ZFHX3: variants seen among roughly 807,000 people sequenced by gnomAD.
The protein encoded by ZFHX3 is zinc finger homeobox 3.
In ZFHX3, 42 loss-of-function variants were observed where a neutral mutation model predicts 279.1. The ratio of observed to expected loss-of-function variants is 0.15; its 90% CI spans 0.12 to 0.19. The LOEUF (loss-of-function observed/expected upper bound fraction) is 0.19, where lower values mean the gene tolerates loss of function less well. Among genes scored for constraint, ZFHX3 ranks in the 10% least tolerant of loss-of-function variants. The pLI is 1.00. For missense variants in ZFHX3, 4,981 were observed against 4,754.0 expected, an observed-to-expected ratio of 1.05 and a Z score of -1.40; for synonymous variants, 2,293 against 1,957.8, an observed-to-expected ratio of 1.17 and a Z score of -4.52.
chr16:73,009,036 C>G (rs80050301), intron 1 of ZFHX3, among the ~76,000 whole-genome samples: 1 of 151,946 alleles, frequency 6.6e-6, no homozygotes, highest in African/African-American at 2.4e-5. Flanking sequence ...AGTACAGTAG[C>G]CAGTTCCCTG....
intron 4 of ZFHX3, among the ~76,000 whole-genome samples, chr16:72,835,988 G>C (rs533479763): frequency 1.3e-5 from 2 of 152,256 alleles, no homozygotes; most frequent in African/African-American, 4.8e-5. Context: ...GACTACTAAG[G>C]CCTAGACCAC....
At chr16:73,423,968 A>G (rs1402539671) in intron 3 of ZFHX3, among the ~76,000 whole-genome samples, 4 of 152,060 alleles carry the variant, frequency 2.6e-5, no homozygotes, top group Non-Finnish European at 5.9e-5. Context: ...CAATATTACC[A>G]TTCAAAGGGG....
intron 3 of ZFHX3, among the ~76,000 whole-genome samples, chr16:73,448,147 C>T (rs749015330): frequency 3.4e-4 from 51 of 151,980 alleles, no homozygotes; most frequent in Middle Eastern, 3.4e-3. Context: ...TCCAGGGTAA[C>T]GAATCTAGTA....
chr16:72,967,688 G>A (rs923138322), intron 1 of ZFHX3, among the ~76,000 whole-genome samples: 3 of 151,478 alleles, frequency 2.0e-5, no homozygotes, highest in Admixed American at 6.6e-5. Flanking sequence ...AGGCCGAGGC[G>A]GGCAGATCAC....
At chr16:73,693,967 A>G (rs2053172108) in intron 1 of ZFHX3, among the ~76,000 whole-genome samples, 1 of 152,086 alleles carries the variant, frequency 6.6e-6, no homozygotes, top group South Asian at 2.1e-4. Context: ...AATTCTGGAC[A>G]AAGTTGTCTC....
intron 3 of ZFHX3, among the ~76,000 whole-genome samples, chr16:72,900,546 T>C (rs1257732345): frequency 6.6e-6 from 1 of 152,214 alleles, no homozygotes; most frequent in African/African-American, 2.4e-5. Context: ...GAGACAGTGA[T>C]GGTCTTTCTA....
intron 8 of ZFHX3, among the ~76,000 whole-genome samples, chr16:73,067,203 A>G (rs1032287720): frequency 6.6e-6 from 1 of 152,134 alleles, no homozygotes; most frequent in African/African-American, 2.4e-5. Flanking sequence ...CTGGGAAGAA[A>G]AAAGAAAGCG....
At position 72,788,282 on chromosome 16, in the gene ZFHX3, G is replaced by A. The variant is rs1298541526; in HGVS notation, c.9994C>T (p.Leu3332=). ...CCTTCCATGCCATACATAGGCTGCA[G>A]GTACCCGCTCTGCAGGGCGCCAGGG... ...QIPGALQSGY[L]QPMYGMEGLF... is the part of the protein sequence containing the mutation. Residue 3332 remains leucine, a synonymous_variant, in exon 10 of 10, where the codon CTG becomes TTG. Coordinates refer to ENST00000268489, the MANE Select transcript of ZFHX3 (RefSeq NM_006885.4). 1 of 1,614,090 alleles carries A rather than the reference G, an allele frequency of 6.2e-7. No homozygotes were observed. The highest frequency in any genetic ancestry group is 1.3e-5 in the African/African-American group (1 of 74,944).
intron 3 of ZFHX3, among the ~76,000 whole-genome samples, chr16:72,938,266 C>G (rs1214925067): frequency 6.6e-6 from 1 of 152,258 alleles, no homozygotes; most frequent in East Asian, 1.9e-4. Flanking sequence ...AAGATACTTT[C>G]CAACAGGGCC....
At chr16:73,795,133 T>C (rs1279387718) in intron 1 of ZFHX3, among the ~76,000 whole-genome samples, 1 of 152,148 alleles carries the variant, frequency 6.6e-6, no homozygotes, top group Non-Finnish European at 1.5e-5. Context: ...AAAGGAGCAG[T>C]AGTACACAGA....
rs546749105 is a variant in ZFHX3 at position 72,912,193 on chromosome 16, G to A, written c.3217-22231C>T. On this transcript the variant is annotated intron_variant, in intron 3 of 9. Coordinates refer to ENST00000268489, the MANE Select transcript of ZFHX3 (RefSeq NM_006885.4). ...CAGGAGCTCGACCCTGCCAGGCTCCGCGCGGGGAGGTGCCTGCTCAGGTGC... is the reference window on the plus strand; with the variant it reads ...CAGGAGCTCGACCCTGCCAGGCTCCACGCGGGGAGGTGCCTGCTCAGGTGC... Among the ~76,000 whole-genome samples the A allele has an allele frequency of 2.0e-4, 30 of 152,308 alleles. 1 individual carries two copies. Among genetic ancestry groups the A allele is most frequent in the South Asian group, 1.0e-3 (5 of 4,820 alleles).
intron 3 of ZFHX3, among the ~76,000 whole-genome samples, chr16:72,946,881 T>A (rs543203333): frequency 6.6e-6 from 1 of 152,274 alleles, no homozygotes; most frequent in South Asian, 2.1e-4. Flanking sequence ...GATGAGGAAT[T>A]AAGGACCCCG....
chr16:73,838,224 T>C (rs913832169), intron 1 of ZFHX3, among the ~76,000 whole-genome samples: 2 of 152,252 alleles, frequency 1.3e-5, no homozygotes, highest in Non-Finnish European at 2.9e-5. Flanking sequence ...TACATGTTGC[T>C]TTTCCTGTTT....
intron 5 of ZFHX3, among the ~76,000 whole-genome samples, chr16:73,193,186 G>A (rs914914626): frequency 9.9e-5 from 15 of 152,188 alleles, no homozygotes; most frequent in Admixed American, 5.2e-4. Context: ...AAGAGCAGTG[G>A]AAAGAGAATT....
chr16:73,772,162 T>C (rs1451434839), intron 1 of ZFHX3, among the ~76,000 whole-genome samples: 2 of 152,108 alleles, frequency 1.3e-5, no homozygotes, highest in Non-Finnish European at 2.9e-5. Context: ...CCTTTGAAAA[T>C]GGAATTGGAA....
chr16:73,603,772 CTTTTT>C (rs11459049), intron 2 of ZFHX3, among the ~76,000 whole-genome samples: 2 of 105,508 alleles, frequency 1.9e-5, no homozygotes, highest in Non-Finnish European at 1.9e-5. Context: ...AAAAAATACG[CTTTTT>C]TTTTTTTTTT....
chr16:73,818,165 C>G (rs1351751244), intron 1 of ZFHX3, among the ~76,000 whole-genome samples: 1 of 152,128 alleles, frequency 6.6e-6, no homozygotes, highest in African/African-American at 2.4e-5. Context: ...CTGCAAGCAT[C>G]ACAACATTAA....
rs530990464 is a variant in ZFHX3, at chr16:73,337,896, G to C, written c.-1290-19560C>G. On this transcript the variant is annotated intron_variant, in intron 3 of 17. Transcript: ENST00000641206. ...TAAGTCTTCATCTTCCCTTGGCGGG[G>C]GGGGGGGTCCTCATCCCCTTTTTAT... 7.6e-5 allele frequency among the ~76,000 whole-genome samples: 11 copies of C among 145,452 alleles called. No homozygotes were observed. The East Asian group carries it at 1.8e-3, about 24-fold the overall frequency.
At chr16:72,825,712 G>GT (rs2036913203) in intron 5 of ZFHX3, among the ~76,000 whole-genome samples, 1 of 152,188 alleles carries the variant, frequency 6.6e-6, no homozygotes, top group African/African-American at 2.4e-5. Flanking sequence ...GAAAGTTGCT[G>GT]TACCTATGAT....
Sources: gnomAD v4.1 joint callset for allele counts (sites outside exome capture counted in the v4.1 genomes callset) on GRCh38, gnomAD v4.1.1 for gene constraint, MANE v1.5 for transcripts, NCBI Gene and HGNC (gene_info 2026-07-23, HGNC 2026-07-21) for gene names.